MICU2: variants seen among roughly 807,000 people sequenced by gnomAD.
The protein encoded by MICU2 is calcium uptake protein 2, mitochondrial.
MICU2 carries 64 observed loss-of-function variants against 60.4 expected under a neutral mutation model. The observed-to-expected ratio is 1.06, with a 90% CI of 0.87 to 1.31. The LOEUF is 1.31. MICU2 is among the 50% of genes most tolerant of loss of function. The pLI is 0.00. For synonymous variants in MICU2, 201 were observed against 175.0 expected (o/e 1.15, Z -1.17); for missense variants, 569 against 531.0 (o/e 1.07, Z -0.70).
chr13:21,550,059 C>A (rs1157594815), intron 2 of MICU2, among the ~76,000 whole-genome samples: 1 of 152,166 alleles, frequency 6.6e-6, no homozygotes, highest in African/African-American at 2.4e-5. Context: ...TTAAATATTA[C>A]TACCAACAAT....
chr13:21,572,957 T>C (rs1888145733), intron 1 of MICU2, among the ~76,000 whole-genome samples: 1 of 150,728 alleles, frequency 6.6e-6, no homozygotes, highest in Non-Finnish European at 1.5e-5. Context: ...AAAAAAATGT[T>C]TTCCTGCTTA....
intron 8 of MICU2, among the ~76,000 whole-genome samples, chr13:21,503,769 T>C (rs1185077221): frequency 6.6e-6 from 1 of 152,186 alleles, no homozygotes; most frequent in Non-Finnish European, 1.5e-5. Context: ...CCCAGAAACG[T>C]TGCACTTGAT....
intron 8 of MICU2, among the ~76,000 whole-genome samples, chr13:21,503,729 A>G (rs1378160739): frequency 6.6e-6 from 1 of 152,252 alleles, no homozygotes; most frequent in Non-Finnish European, 1.5e-5. Flanking sequence ...AAAAGATATC[A>G]GATGAAAATA....
At chr13:21,554,258 C>T (rs542828260) in intron 2 of MICU2, among the ~76,000 whole-genome samples, 1 of 152,260 alleles carries the variant, frequency 6.6e-6, no homozygotes, top group South Asian at 2.1e-4. Flanking sequence ...CACATCTATT[C>T]CAAAATTGAC....
At chr13:21,556,357 G>A (rs965226656) in intron 2 of MICU2, among the ~76,000 whole-genome samples, 1 of 152,016 alleles carries the variant, frequency 6.6e-6, no homozygotes, top group African/African-American at 2.4e-5. Context: ...CCTTTTAGCT[G>A]CTCCTTCTCT....
chr13:21,597,182 C>T (rs542081616), intron 1 of MICU2, among the ~76,000 whole-genome samples: 7 of 152,148 alleles, frequency 4.6e-5, no homozygotes, highest in Non-Finnish European at 8.8e-5. Flanking sequence ...AAAGGTATAT[C>T]TATTATTAAA....
Position 21,515,183 on chromosome 13 carries a change from G to A in MICU2, c.598-765C>T, listed in dbSNP as rs554757875. Among the ~76,000 whole-genome samples the A allele has an allele frequency of 3.8e-4, 57 of 151,412 alleles. 1 individual carries two copies. The East Asian group carries it at 6.4e-3, about 17-fold the overall frequency. On this transcript the variant is annotated intron_variant, in intron 6 of 11. Transcript: ENST00000382374. ...TGCAAGCTCCGCCTCCCGGGTTCAC[G>A]CCATTCTCCTGCCTCAGCCTCCCGA...
At chr13:21,542,784 T>A (rs932144700) in intron 2 of MICU2, among the ~76,000 whole-genome samples, 3 of 152,300 alleles carry the variant, frequency 2.0e-5, no homozygotes, top group Admixed American at 2.0e-4. Flanking sequence ...ACAGAGGATT[T>A]ATGAAGTAAA....
chr13:21,503,824 C>T (rs1886235121), intron 8 of MICU2, among the ~76,000 whole-genome samples: 1 of 152,184 alleles, frequency 6.6e-6, no homozygotes, highest in Admixed American at 6.5e-5. Context: ...CATCTCCATG[C>T]ATTTTAATAT....
chr13:21,597,304 CTTAT>C (rs145277498), intron 1 of MICU2, among the ~76,000 whole-genome samples: 2,340 of 152,226 alleles, frequency 0.015, 56 homozygotes, highest in African/African-American at 0.054. Flanking sequence ...AGCGAAGTCT[CTTAT>C]TTACTTATGT....
At chr13:21,558,922 C>T (rs918858417) in intron 2 of MICU2, among the ~76,000 whole-genome samples, 1 of 152,100 alleles carries the variant, frequency 6.6e-6, no homozygotes, top group Non-Finnish European at 1.5e-5. Context: ...TATCCGGTTT[C>T]TCTGGGAAGA....
intron 1 of MICU2, among the ~76,000 whole-genome samples, chr13:21,574,647 G>C (rs968885983): frequency 6.6e-6 from 1 of 152,208 alleles, no homozygotes; most frequent in South Asian, 2.1e-4. Context: ...AGTGGGAAAA[G>C]AAAGGGCCTT....
At chr13:21,493,375 C>A in intron 11 of MICU2, 22 bp from the exon 12 acceptor site, 1 of 1,532,260 alleles carries the variant, frequency 6.5e-7, no homozygotes, top group South Asian at 1.2e-5. Flanking sequence ...AAGTAAAAAT[C>A]AAGGGGTCAT....
intron 6 of MICU2, among the ~76,000 whole-genome samples, chr13:21,515,357 T>C (rs1349505164): frequency 2.0e-5 from 3 of 152,198 alleles, no homozygotes; most frequent in Non-Finnish European, 4.4e-5. Flanking sequence ...GCTGGGATTA[T>C]AGGCTTGAGC....
intron 1 of MICU2, among the ~76,000 whole-genome samples, chr13:21,596,127 A>G (rs1232445897): frequency 6.6e-6 from 1 of 152,180 alleles, no homozygotes; most frequent in African/African-American, 2.4e-5. Flanking sequence ...TACATTCTCC[A>G]CGTCTCCTCT....
intron 7 of MICU2, 55 bp downstream of exon 7, chr13:21,514,298 A>C (rs1311271344): frequency 1.3e-5 from 19 of 1,441,858 alleles, no homozygotes; most frequent in Non-Finnish European, 1.8e-5. Context: ...ATCTGAACAA[A>C]CAAAATAGAG....
chr13:21,539,217 G>T, intron 4 of MICU2, 85 bp downstream of exon 4: 1 of 1,218,780 alleles, frequency 8.2e-7, no homozygotes, highest in Non-Finnish European at 1.2e-6. Context: ...AAATAACATG[G>T]TACAAATCTC....
intron 1 of MICU2, among the ~76,000 whole-genome samples, chr13:21,584,042 G>A (rs1888405719): frequency 6.6e-6 from 1 of 152,196 alleles, no homozygotes; most frequent in Non-Finnish European, 1.5e-5. Flanking sequence ...GGAACAGTTT[G>A]TAGAAACACA....
intron 2 of MICU2, among the ~76,000 whole-genome samples, chr13:21,557,925 TAA>T (rs1887747995): frequency 6.6e-6 from 1 of 152,230 alleles, no homozygotes; most frequent in Non-Finnish European, 1.5e-5. Flanking sequence ...ATGGCTATTC[TAA>T]AGTCTTTTTC....
Sources: allele counts gnomAD v4.1 joint callset (sites outside exome capture counted in the v4.1 genomes callset), GRCh38; gene constraint gnomAD v4.1.1; transcripts MANE v1.5; gene names NCBI Gene and HGNC (gene_info 2026-07-23, HGNC 2026-07-21).